The following ADAM12 variants were observed in gnomAD, a reference collection of about 807,000 sequenced individuals.
ADAM12 encodes ADAM metallopeptidase domain 12.
ADAM12 carries 70 observed loss-of-function variants against 106.4 expected under a neutral mutation model. The ratio of observed to expected loss-of-function variants is 0.66; its 90% confidence interval spans 0.54 to 0.80. The LOEUF (loss-of-function observed/expected upper bound fraction) is 0.80. Ranked by LOEUF, ADAM12 falls within the 30% of genes least tolerant of loss-of-function variation. ADAM12 has a pLI of 0.00. For synonymous variants in ADAM12, 420 were observed against 433.5 expected (o/e 0.97, Z 0.39); for missense variants, 1,010 against 1,171.9 (o/e 0.86, Z 2.02).
intron 2 of ADAM12, among the ~76,000 whole-genome samples, chr10:126,322,022 C>T (rs1433553545): frequency 3.9e-5 from 6 of 152,006 alleles, no homozygotes; most frequent in Admixed American, 1.3e-4. Flanking sequence ...TAAACTATGG[C>T]CCTCGGGCAA....
intron 1 of ADAM12, among the ~76,000 whole-genome samples, chr10:126,366,467 G>T (rs1312978555): frequency 2.0e-5 from 3 of 151,658 alleles, no homozygotes; most frequent in African/African-American, 7.3e-5. Context: ...CTAAAAAAGG[G>T]AAATATTAAA....
At chr10:126,067,468 C>G (rs1238577224) in intron 12 of ADAM12, among the ~76,000 whole-genome samples, 2 of 152,230 alleles carry the variant, frequency 1.3e-5, no homozygotes, top group Non-Finnish European at 2.9e-5. Context: ...ATGGATAGTT[C>G]AAGCATTAGA....
chr10:126,141,104 A>T (rs1956501435), intron 4 of ADAM12, among the ~76,000 whole-genome samples: 1 of 152,186 alleles, frequency 6.6e-6, no homozygotes, highest in Non-Finnish European at 1.5e-5. Context: ...CTGAATATCC[A>T]CACCAGAAAG....
intron 21 of ADAM12, among the ~76,000 whole-genome samples, chr10:126,026,247 G>A (rs1443778438): frequency 6.6e-6 from 1 of 152,090 alleles, no homozygotes; most frequent in Non-Finnish European, 1.5e-5. Context: ...AAAGAAAAGG[G>A]CATTGCATAA....
intron 17 of ADAM12, among the ~76,000 whole-genome samples, chr10:126,044,884 T>C (rs1360010327): frequency 6.6e-6 from 1 of 152,228 alleles, no homozygotes; most frequent in African/African-American, 2.4e-5. Context: ...CCCAGATTCA[T>C]GCCTGCCCCT....
chr10:126,172,456 G>A (rs1957136300), intron 3 of ADAM12, among the ~76,000 whole-genome samples: 1 of 152,126 alleles, frequency 6.6e-6, no homozygotes, highest in Non-Finnish European at 1.5e-5. Flanking sequence ...GATATGAACA[G>A]ATATTTCTCA....
chr10:126,372,546 C>G (rs1436624055), intron 1 of ADAM12, among the ~76,000 whole-genome samples: 1 of 152,202 alleles, frequency 6.6e-6, no homozygotes, highest in Non-Finnish European at 1.5e-5. Flanking sequence ...AATTTTATAA[C>G]TACAACGCCA....
intron 2 of ADAM12, among the ~76,000 whole-genome samples, chr10:126,313,075 G>A (rs759486615): frequency 6.6e-6 from 1 of 152,220 alleles, no homozygotes; most frequent in Non-Finnish European, 1.5e-5. Context: ...AAAGGTCCCA[G>A]CCTGAGGGTC....
chr10:126,055,948 C>T (rs1954621403), intron 14 of ADAM12, among the ~76,000 whole-genome samples: 1 of 152,116 alleles, frequency 6.6e-6, no homozygotes, highest in Admixed American at 6.5e-5. Context: ...TATTTGTATG[C>T]TTTTTGTTGC....
intron 21 of ADAM12, among the ~76,000 whole-genome samples, chr10:126,027,815 C>CCA (rs771875924): frequency 5.9e-5 from 9 of 152,136 alleles, no homozygotes; most frequent in Non-Finnish European, 1.2e-4. Flanking sequence ...CCCTCTCTCA[C>CCA]CACTCCTAGT....
At chr10:126,199,340 G>T (rs954022402) in intron 3 of ADAM12, among the ~76,000 whole-genome samples, 1 of 152,116 alleles carries the variant, frequency 6.6e-6, no homozygotes, top group Non-Finnish European at 1.5e-5. Flanking sequence ...CGCTGAAATG[G>T]CCGGTGTTCA....
chr10:126,203,939 C>CGTGT (rs56035821), intron 3 of ADAM12, among the ~76,000 whole-genome samples: 17 of 150,266 alleles, frequency 1.1e-4, no homozygotes, highest in East Asian at 6.0e-4. Context: ...CGCGCGCGCG[C>CGTGT]GTGTGTGTGT....
At chr10:126,318,562 A>ACTCACACAGTCT (rs1564730028) in intron 2 of ADAM12, among the ~76,000 whole-genome samples, 1 of 150,798 alleles carries the variant, frequency 6.6e-6, no homozygotes, top group African/African-American at 2.4e-5. Flanking sequence ...TCACATTCAC[A>ACTCACACAGTCT]CTCACACACT....
chr10:126,052,533 C>T (rs1315334143), intron 14 of ADAM12, among the ~76,000 whole-genome samples: 2 of 152,132 alleles, frequency 1.3e-5, no homozygotes, highest in Non-Finnish European at 2.9e-5. Context: ...ATTTGTTTTC[C>T]TTATAGGGAG....
At chr10:126,155,177 C>T (rs767841317) in intron 4 of ADAM12, 50 bp downstream of exon 4, 8 of 1,589,006 alleles carry the variant, frequency 5.0e-6, no homozygotes, top group South Asian at 1.1e-5. Context: ...AAAGGTTAAG[C>T]ACAGATCCAG....
intron 3 of ADAM12, among the ~76,000 whole-genome samples, chr10:126,272,337 G>T (rs1233850670): frequency 6.6e-6 from 1 of 151,796 alleles, no homozygotes; most frequent in Non-Finnish European, 1.5e-5. Flanking sequence ...TAATTAATAT[G>T]ACAGATGATA....
chr10:126,074,717 G>A (rs1485357049), intron 11 of ADAM12, among the ~76,000 whole-genome samples: 2 of 152,144 alleles, frequency 1.3e-5, no homozygotes, highest in South Asian at 4.1e-4. Flanking sequence ...CCAATTCACG[G>A]GTTTTCAACC....
chr10:126,240,606 A>T (rs1958503271), intron 3 of ADAM12, among the ~76,000 whole-genome samples: 1 of 152,256 alleles, frequency 6.6e-6, no homozygotes, highest in South Asian at 2.1e-4. Flanking sequence ...TGAGACCTGA[A>T]GGCTGAGAAG....
chr10:126,330,437 A>T lies in ADAM12; in HGVS notation c.161T>A (p.Ile54Asn). The part of the protein sequence containing the change: ...SASVGSGDLW[I>N]PVKSFDSKNH... ...CTTGGAGTCGAAGCTCTTCACTGGG[A>T]TCCAGAGGTCCCCACTCCCAACAGA... is the stretch of plus-strand genomic sequence containing the variant. Residue 54 changes from isoleucine (I) to asparagine (N), a missense_variant, in exon 2 of 23, where the codon ATC (isoleucine) becomes AAC (asparagine). Ile to Asn is a moderately radical substitution (Grantham distance 149). Coordinates refer to ENST00000448723, the MANE Select transcript of ADAM12 (RefSeq NM_001288973.2). 1 of 1,613,880 alleles carries T rather than the reference A, an allele frequency of 6.2e-7. No individual in the cohort carries two copies. The highest frequency in any genetic ancestry group is 8.5e-7 in the Non-Finnish European group (1 of 1,179,958).
Sources: gnomAD v4.1 joint callset for allele counts (sites outside exome capture counted in the v4.1 genomes callset) on GRCh38, gnomAD v4.1.1 for gene constraint, MANE v1.5 for transcripts, NCBI Gene and HGNC (gene_info 2026-07-23, HGNC 2026-07-21) for gene names.